Variants in ZNF496 observed in about 807,000 individuals in gnomAD.
ZNF496 encodes the protein NSD1 (nuclear receptor binding SET-domain containing 1)-interacting zinc finger protein 1.
Under a neutral mutation model 58.9 loss-of-function variants are expected in ZNF496, and 11 were observed. That is an observed-to-expected ratio of 0.19 (90% CI 0.12 to 0.31). The LOEUF (loss-of-function observed/expected upper bound fraction) is 0.31. Among genes scored for constraint, ZNF496 ranks in the 10% least tolerant of loss-of-function variants. The pLI, the probability that ZNF496 is intolerant of heterozygous loss-of-function variation, is 1.00. For missense variants in ZNF496, 660 were observed against 783.0 expected (o/e 0.84, Z 1.88); for synonymous variants, 338 against 318.2 (o/e 1.06, Z -0.66).
chr1:247,306,930 G>A (rs1025750676), intron 9 of ZNF496, among the ~76,000 whole-genome samples: 2 of 152,204 alleles, frequency 1.3e-5, no homozygotes, highest in African/African-American at 4.8e-5. Context: ...GTGCCATGAA[G>A]ATACAATGCA....
chr1:247,322,805 T>G (rs1300507088), intron 6 of ZNF496: 1 of 1,305,624 alleles, frequency 7.7e-7, no homozygotes, highest in Admixed American at 2.3e-5. Context: ...TGAAAAATTC[T>G]CTGTAAAATA....
chr1:247,329,422 C>T lies in ZNF496; in HGVS notation c.157G>A (p.Ala53Thr). 1 of 1,613,188 alleles carries T rather than the reference C, an allele frequency of 6.2e-7. No homozygotes were observed. The highest frequency in any genetic ancestry group is 8.5e-7 in the Non-Finnish European group (1 of 1,179,732). Reference sequence around the variant, plus strand: ...TGCAGGGCCTCCCGGGGGCCCGCCGCCTCCTGGTAGCGGAAACGGCGGAAG... The same window carrying T: ...TGCAGGGCCTCCCGGGGGCCCGCCGTCTCCTGGTAGCGGAAACGGCGGAAG... ...RLFRRFRYQE[A>T]AGPREALQRL... The change falls in exon 4 of 10, where the codon GCG (alanine) becomes ACG (threonine). Residue 53 changes from alanine to threonine, a missense_variant. By Grantham distance (58) the Ala-to-Thr change is moderately conservative. Coordinates refer to ENST00000682384, the MANE Select transcript of ZNF496 (RefSeq NM_032752.3). This position sits in a 1 kb window ranked among gnomAD's most constrained non-coding sequence, Gnocchi z 5.5.
chr1:247,308,700 C>A lies in ZNF496; in HGVS notation c.893-112G>T. On this transcript the variant is annotated intron_variant, in intron 8 of 9. Coordinates refer to ENST00000682384, the MANE Select transcript of ZNF496 (RefSeq NM_032752.3). The surrounding 1 kb of genome is among the most constrained non-coding windows in gnomAD (Gnocchi z 4.5). ...ACGATCTGGGGGCGGCCCTGGGCTC[C>A]GTCCTGGGGACTGGCAGGGGGTGGC... The A allele has an allele frequency of 9.9e-7, 1 of 1,009,708 alleles. No individual in the cohort carries two copies. 62.5% of individuals were successfully genotyped at this position (1,009,708 alleles called of 1,614,324 possible).
chr1:247,323,070 G>C, intron 6 of ZNF496, 84 bp downstream of exon 6: 1 of 1,158,966 alleles, frequency 8.6e-7, no homozygotes, highest in Non-Finnish European at 1.3e-6. Flanking sequence ...CAGTCAGAAA[G>C]CTGGCTGGGG....
At chr1:247,321,807 A>G (rs12035371) in intron 6 of ZNF496, among the ~76,000 whole-genome samples, 33,467 of 152,162 alleles carry the variant, frequency 0.22, 4,134 homozygotes, top group East Asian at 0.41. Flanking sequence ...TACTGGTTTT[A>G]CCTCCTTTGT....
intron 9 of ZNF496, 96 bp from the exon 10 acceptor site, chr1:247,301,372 A>G: frequency 7.0e-7 from 1 of 1,423,890 alleles, no homozygotes; most frequent in Non-Finnish European, 9.2e-7. Flanking sequence ...GAGTTTACAA[A>G]CCCGTGTTTT....
At chr1:247,331,334 G>A (rs1475582300) in intron 2 of ZNF496, 98 bp downstream of exon 2, 1 of 152,338 alleles carries the variant, frequency 6.6e-6, no homozygotes, top group Non-Finnish European at 1.5e-5. Flanking sequence ...AAGGGAAGGA[G>A]AAGGTCGCTG....
At chr1:247,321,409 T>C (rs984575044) in intron 6 of ZNF496, among the ~76,000 whole-genome samples, 2 of 152,054 alleles carry the variant, frequency 1.3e-5, no homozygotes, top group African/African-American at 4.8e-5. Context: ...AGAATTTCAG[T>C]TTGGGAAGAT....
rs201072570 is a variant in ZNF496 at position 247,329,161 on chromosome 1, C to T, written c.390+28G>A. The T allele has an allele frequency of 5.6e-6, 9 of 1,613,114 alleles. No homozygotes were observed. The African/African-American group carries it at 1.1e-4, about 19-fold the overall frequency. ...AAGTGTCTAAGTACCAGATCTCTAC[C>T]CGTCCCAGCCCCACCTCTTCTACTC... is the stretch of plus-strand genomic sequence containing the variant. On this transcript the variant is annotated intron_variant, in intron 4 of 9. Transcript: ENST00000682384. The surrounding 1 kb of genome is among the most constrained non-coding windows in gnomAD (Gnocchi z 5.5).
intron 6 of ZNF496, among the ~76,000 whole-genome samples, chr1:247,316,217 G>GAC (rs1659769663): frequency 2.9e-4 from 2 of 6,786 alleles, no homozygotes; most frequent in Non-Finnish European, 5.0e-4. Flanking sequence ...GCGCGTGCGC[G>GAC]TGTGTGTGTG....
chr1:247,328,757 T>C lies in ZNF496; in HGVS notation c.500A>G (p.Asp167Gly), dbSNP rs1191175953. 6 of 1,613,814 alleles carry C rather than the reference T, an allele frequency of 3.7e-6. No individual in the cohort carries two copies. The highest frequency in any genetic ancestry group is 1.7e-5 in the Admixed American group (1 of 59,948). ...EPHSDLAKNQDAQPITLAQCL... is the reference protein window; with the variant it reads ...EPHSDLAKNQGAQPITLAQCL... The stretch of plus-strand genomic sequence containing the variant: ...CTGTGCCAGGGTTATGGGCTGGGCA[T>C]CCTGGTTCTTTGCAAGGTCGCTGTG... Residue 167 changes from aspartate (D) to glycine (G), a missense_variant, in exon 5 of 10, where the codon GAT becomes GGT. Physicochemically the swap from Asp to Gly is moderately conservative, Grantham distance 94. Transcript: ENST00000682384.
Position 247,300,467 on chromosome 1 carries a change from C to T in ZNF496, c.*52G>A. 1 of 1,553,770 alleles carries T rather than the reference C, an allele frequency of 6.4e-7. No homozygotes were observed. The highest frequency in any genetic ancestry group is 8.7e-7 in the Non-Finnish European group (1 of 1,149,088). ...CCTGGGTGGGGGCGCTGATCAGTAC[C>T]AAGGTGAGGGGGCAGCACCAGCCAG... On this transcript the variant is annotated 3_prime_UTR_variant, in exon 10 of 10. Coordinates refer to ENST00000682384, the MANE Select transcript of ZNF496 (RefSeq NM_032752.3). This position sits in a 1 kb window ranked among gnomAD's most constrained non-coding sequence, Gnocchi z 5.7.
chr1:247,313,625 A>T (rs1398114031), intron 6 of ZNF496: 2 of 152,214 alleles, frequency 1.3e-5, no homozygotes, highest in Non-Finnish European at 2.9e-5. Flanking sequence ...ATGTTGTTGC[A>T]CGTTACCAAC....
At chr1:247,316,191 G>A (rs1363805422) in intron 6 of ZNF496, among the ~76,000 whole-genome samples, 2 of 28,574 alleles carry the variant, frequency 7.0e-5, no homozygotes, top group East Asian at 7.8e-4. Context: ...CCTGGGAGGG[G>A]TGTGTGTGTG....
At chr1:247,331,053 G>C (rs556469383) in intron 2 of ZNF496, among the ~76,000 whole-genome samples, 1 of 152,066 alleles carries the variant, frequency 6.6e-6, no homozygotes, top group Non-Finnish European at 1.5e-5. Flanking sequence ...CGCCCTGCTC[G>C]GCGGCCCCCT....
At chr1:247,316,274 A>C (rs1003660774) in intron 6 of ZNF496, among the ~76,000 whole-genome samples, 1 of 147,810 alleles carries the variant, frequency 6.8e-6, no homozygotes, top group Non-Finnish European at 1.5e-5. Context: ...AAAAACTGAG[A>C]GTATATATTA....
chr1:247,309,549 C>T lies in ZNF496; in HGVS notation c.892+150G>A. ...CATTCTTTCTATGAAAAGTCAGGGACAAGGCAAGACATGCAAGACCCACAT... is the reference window on the plus strand; with the variant it reads ...CATTCTTTCTATGAAAAGTCAGGGATAAGGCAAGACATGCAAGACCCACAT... On this transcript the variant is annotated intron_variant, in intron 8 of 9. Coordinates refer to ENST00000682384, the MANE Select transcript of ZNF496 (RefSeq NM_032752.3). This position sits in a 1 kb window ranked among gnomAD's most constrained non-coding sequence, Gnocchi z 4.3. The T allele has an allele frequency of 1.4e-6, 2 of 1,427,130 alleles. No homozygotes were observed. Among genetic ancestry groups the T allele is most frequent in the Non-Finnish European group, 1.8e-6 (2 of 1,092,846 alleles). 88.4% of individuals were successfully genotyped at this position (1,427,130 alleles called of 1,614,324 possible).
At chr1:247,322,698 C>A in intron 6 of ZNF496, 1 of 1,287,024 alleles carries the variant, frequency 7.8e-7, no homozygotes, top group Non-Finnish European at 1.0e-6. Flanking sequence ...AATGACTCAC[C>A]ACGTAGATCT....
In ZNF496 at chr1:247,328,727, A is replaced by G. The variant is rs770310419; in HGVS notation, c.530T>C (p.Leu177Pro). 2.1e-5 allele frequency: 34 copies of G among 1,610,250 alleles called. No homozygotes were observed. The highest frequency in any genetic ancestry group is 2.9e-5 in the Non-Finnish European group (34 of 1,178,198). Residue 177 changes from leucine (L) to proline (P), a missense_variant, in exon 5 of 10, where the codon CTG becomes CCG. Leu to Pro is a moderately conservative substitution (Grantham distance 98). Coordinates refer to ENST00000682384, the MANE Select transcript of ZNF496 (RefSeq NM_032752.3). ...GCTTGGTGGTCTGCTTGGGAGCCCCAGGCACTGTGCCAGGGTTATGGGCTG... is the reference window on the plus strand; with the variant it reads ...GCTTGGTGGTCTGCTTGGGAGCCCCGGGCACTGTGCCAGGGTTATGGGCTG... ...DAQPITLAQC[L>P]GLPSRPPSQL... is the part of the protein sequence containing the mutation.
Sources: allele counts gnomAD v4.1 joint callset (sites outside exome capture counted in the v4.1 genomes callset), GRCh38; gene constraint gnomAD v4.1.1; non-coding constraint Gnocchi (gnomAD v3.1); transcripts MANE v1.5; gene names NCBI Gene and HGNC (gene_info 2026-07-23, HGNC 2026-07-21).